PARD3B: variants seen among roughly 807,000 people sequenced by gnomAD.
PARD3B encodes the protein partitioning defective 3 homolog B.
A neutral mutation model predicts 130.2 loss-of-function variants in PARD3B; 103 were observed. That is an observed-to-expected ratio of 0.79 (90% CI 0.67 to 0.93). PARD3B has a LOEUF of 0.93. Among genes scored for constraint, PARD3B ranks in the 40% least tolerant of loss-of-function variants. The pLI is 0.00. For missense variants in PARD3B, 1,609 were observed against 1,499.2 expected, an observed-to-expected ratio of 1.07 and a Z score of -1.21; for synonymous variants, 583 against 553.2, an observed-to-expected ratio of 1.05 and a Z score of -0.76.
intron 2 of PARD3B, among the ~76,000 whole-genome samples, chr2:204,800,926 G>C (rs1027062144): frequency 6.6e-6 from 1 of 151,944 alleles, no homozygotes. Flanking sequence ...AGTTTTCCTC[G>C]TATGGCTAGC....
At position 205,121,829 on chromosome 2, in the gene PARD3B, C is replaced by A; in HGVS notation, c.1045C>A (p.Gln349Lys). The change falls in exon 8 of 23, where the codon CAA becomes AAA. Residue 349 changes from glutamine to lysine, a missense_variant. By Grantham distance (53) the Gln-to-Lys change is moderately conservative. Coordinates refer to ENST00000406610, the MANE Select transcript of PARD3B (RefSeq NM_001302769.2). The surrounding 1 kb of genome is among the most constrained non-coding windows in gnomAD (Gnocchi z 5.0). ...PETDASASLQQNKSPRVPRLG... is the reference protein window; with the variant it reads ...PETDASASLQKNKSPRVPRLG... ...AACAGATGCATCAGCTTCCCTGCAA[C>A]AAAACAAGAGTCCCCGAGTACCAAG... 1 of 1,614,128 alleles carries A rather than the reference C, an allele frequency of 6.2e-7. No homozygotes were observed. Among genetic ancestry groups the A allele is most frequent in the Non-Finnish European group, 8.5e-7 (1 of 1,180,022 alleles).
At chr2:205,196,802 T>C (rs1420470398) in intron 15 of PARD3B, among the ~76,000 whole-genome samples, 1 of 152,166 alleles carries the variant, frequency 6.6e-6, no homozygotes, top group Non-Finnish European at 1.5e-5. Context: ...TTTCTAGACA[T>C]ACTATTCTGT....
chr2:205,255,806 G>A (rs770371075), intron 16 of PARD3B, among the ~76,000 whole-genome samples: 5 of 152,164 alleles, frequency 3.3e-5, no homozygotes, highest in South Asian at 2.1e-4. Flanking sequence ...AGGCATCTCC[G>A]TGTGTTCAGC....
At chr2:205,145,280 T>G (rs1184562901) in intron 10 of PARD3B, among the ~76,000 whole-genome samples, 2 of 151,938 alleles carry the variant, frequency 1.3e-5, no homozygotes, top group East Asian at 3.9e-4. Context: ...CAGTAACTAA[T>G]TGTCTTTCTG....
intron 18 of PARD3B, among the ~76,000 whole-genome samples, chr2:205,322,293 G>C (rs1489277673): frequency 6.6e-6 from 1 of 152,182 alleles, no homozygotes; most frequent in Non-Finnish European, 1.5e-5. Context: ...TACTCTGCCA[G>C]TCTTTTTATT....
At chr2:204,997,106 C>T (rs984985264) in intron 3 of PARD3B, among the ~76,000 whole-genome samples, 1 of 152,164 alleles carries the variant, frequency 6.6e-6, no homozygotes, top group Non-Finnish European at 1.5e-5. Flanking sequence ...GGCTCCTCCC[C>T]TCCTCAGTTG....
intron 19 of PARD3B, among the ~76,000 whole-genome samples, chr2:205,431,385 G>A (rs1051712024): frequency 6.6e-6 from 1 of 151,922 alleles, no homozygotes; most frequent in Non-Finnish European, 1.5e-5. Context: ...CCCGAAACTT[G>A]ATAATTATTG....
At chr2:205,361,842 T>G (rs1397366411) in intron 18 of PARD3B, among the ~76,000 whole-genome samples, 3 of 30,688 alleles carry the variant, frequency 9.8e-5, no homozygotes, top group Non-Finnish European at 1.9e-4. Flanking sequence ...CCCAAACACA[T>G]TTTTTTTTCT....
chr2:204,887,478 T>C lies in PARD3B; in HGVS notation c.223-77674T>C, dbSNP rs539302374. On this transcript the variant is annotated intron_variant, in intron 2 of 22. Coordinates refer to ENST00000406610, the MANE Select transcript of PARD3B (RefSeq NM_001302769.2). The surrounding 1 kb of genome is among the most constrained non-coding windows in gnomAD (Gnocchi z 4.2). ...GATAGCCTGTCTGCATGTTGGCTAG[T>C]TGTAGCAAGTTTTAAAAGCAAAACA... Among the ~76,000 whole-genome samples, 1 of 152,268 alleles carries C rather than the reference T, an allele frequency of 6.6e-6. No homozygotes were observed. Among genetic ancestry groups the C allele is most frequent in the South Asian group, 2.1e-4 (1 of 4,828 alleles).
chr2:204,555,773 G>GT (rs1344970904), intron 1 of PARD3B, among the ~76,000 whole-genome samples: 1 of 152,062 alleles, frequency 6.6e-6, no homozygotes, highest in Admixed American at 6.5e-5. Context: ...ACCTAGTGCC[G>GT]TTTTCTCTCT....
intron 3 of PARD3B, among the ~76,000 whole-genome samples, chr2:204,972,779 G>A (rs386465841): frequency 9.8e-4 from 149 of 152,178 alleles, no homozygotes; most frequent in Non-Finnish European, 1.6e-3. Context: ...ACACTGAGAC[G>A]GAGTCTGCAG....
intron 3 of PARD3B, among the ~76,000 whole-genome samples, chr2:204,975,779 G>A (rs777095113): frequency 2.6e-5 from 4 of 152,200 alleles, no homozygotes; most frequent in Non-Finnish European, 4.4e-5. Flanking sequence ...TGTCAAAATA[G>A]TGTAAACATA....
At chr2:205,426,259 T>C (rs1451925223) in intron 19 of PARD3B, among the ~76,000 whole-genome samples, 2 of 152,056 alleles carry the variant, frequency 1.3e-5, no homozygotes, top group Non-Finnish European at 2.9e-5. Context: ...ATTTTAATAC[T>C]ACTACTACTA....
chr2:205,052,452 A>T (rs10188405), intron 4 of PARD3B, among the ~76,000 whole-genome samples: 3,412 of 19,996 alleles, frequency 0.17, 190 homozygotes, highest in South Asian at 0.3. Flanking sequence ...TATATATATA[A>T]AATTAAAAAA....
rs923753344 is a variant in PARD3B, at chr2:205,281,056, C to T, written c.2186-19474C>T. On this transcript the variant is annotated intron_variant, in intron 16 of 22. Transcript: ENST00000406610. This position sits in a 1 kb window ranked among gnomAD's most constrained non-coding sequence, Gnocchi z 4.2. ...TTTATTAGTCGAGCTCTGCCATTTTCGATGCTCTGGTGTCACCCATGGCAA... is the reference window on the plus strand; with the variant it reads ...TTTATTAGTCGAGCTCTGCCATTTTTGATGCTCTGGTGTCACCCATGGCAA... 6.6e-6 allele frequency among the ~76,000 whole-genome samples: 1 copy of T among 152,150 alleles called. No homozygotes were observed. The highest frequency in any genetic ancestry group is 1.5e-5 in the Non-Finnish European group (1 of 68,030).
At chr2:205,026,193 G>A (rs1697016902) in intron 3 of PARD3B, among the ~76,000 whole-genome samples, 1 of 152,110 alleles carries the variant, frequency 6.6e-6, no homozygotes, top group African/African-American at 2.4e-5. Context: ...GCTATTCTGA[G>A]AGTAGAGGGA....
At chr2:204,900,833 C>A (rs1215090315) in intron 2 of PARD3B, among the ~76,000 whole-genome samples, 2 of 152,172 alleles carry the variant, frequency 1.3e-5, no homozygotes, top group African/African-American at 4.8e-5. Context: ...GCAGCCACAT[C>A]TGCATTACCT....
Position 204,607,299 on chromosome 2 carries a change from G to A in PARD3B, c.120+61180G>A, listed in dbSNP as rs577178368. 5.9e-5 allele frequency among the ~76,000 whole-genome samples: 9 copies of A among 152,228 alleles called. No homozygotes were observed. The South Asian group carries it at 1.0e-3, about 18-fold the overall frequency. ...ATTGGGAGGATTTCTGTTTTATACC[G>A]TAATCCTTATGAAGGATCAGTATAG... On this transcript the variant is annotated intron_variant, in intron 1 of 22. Coordinates refer to ENST00000406610, the MANE Select transcript of PARD3B (RefSeq NM_001302769.2).
rs935845997 is a variant in PARD3B at position 205,584,774 on chromosome 2, A to G, written c.3261-30682A>G. On this transcript the variant is annotated intron_variant, in intron 22 of 22. Coordinates refer to ENST00000406610, the MANE Select transcript of PARD3B (RefSeq NM_001302769.2). The surrounding 1 kb of genome is among the most constrained non-coding windows in gnomAD (Gnocchi z 5.5). ...TGCTGTAGACTGTCAAAGAGGCTCC[A>G]TCTATAAATGGTGATGGTAGCTTCT... is the stretch of plus-strand genomic sequence containing the variant. Among the ~76,000 whole-genome samples, 2 of 152,216 alleles carry G rather than the reference A, an allele frequency of 1.3e-5. No homozygotes were observed. The highest frequency in any genetic ancestry group is 2.9e-5 in the Non-Finnish European group (2 of 68,040).
Sources: allele counts gnomAD v4.1 joint callset (sites outside exome capture counted in the v4.1 genomes callset), GRCh38; gene constraint gnomAD v4.1.1; non-coding constraint Gnocchi (gnomAD v3.1); transcripts MANE v1.5; gene names NCBI Gene and HGNC (gene_info 2026-07-23, HGNC 2026-07-21).